Variants in LRFN2 observed in about 807,000 individuals in gnomAD.
The protein encoded by LRFN2 is leucine rich repeat and fibronectin type III domain containing 2, also known as leucine-rich repeat and fibronectin type-III domain-containing protein 2.
LRFN2 carries 18 observed loss-of-function variants against 37.3 expected under a neutral mutation model. The ratio of observed to expected loss-of-function variants is 0.48; its 90% CI spans 0.33 to 0.72. LRFN2 has a LOEUF of 0.72. Among genes scored for constraint, LRFN2 ranks in the 30% least tolerant of loss-of-function variants. The probability of loss-of-function intolerance (pLI) is 0.02; values close to 1 mark genes in which losing one functional copy is unlikely to be tolerated. For missense variants in LRFN2, 1,006 were observed against 1,060.7 expected, an observed-to-expected ratio of 0.95 and a Z score of 0.72; for synonymous variants, 556 against 466.6, an observed-to-expected ratio of 1.19 and a Z score of -2.47.
At chr6:40,577,204 C>T (rs552023030) in intron 1 of LRFN2, among the ~76,000 whole-genome samples, 5 of 151,984 alleles carry the variant, frequency 3.3e-5, no homozygotes, top group East Asian at 3.9e-4. Context: ...TGGGTTCAAG[C>T]GATTCTCCTG....
chr6:40,514,902 C>G lies in LRFN2; in HGVS notation c.-19+72039G>C, dbSNP rs561522985. ...TCTCTTTTTCCTTATGCAGCACCCC[C>G]TCTTATGCTGCCCCTGGCTGGAGGC... On this transcript the variant is annotated intron_variant, in intron 1 of 2. Coordinates refer to ENST00000338305, the MANE Select transcript of LRFN2 (RefSeq NM_020737.3). Among the ~76,000 whole-genome samples, 33 of 152,294 alleles carry G rather than the reference C, an allele frequency of 2.2e-4. 1 individual carries two copies. The East Asian group carries it at 5.0e-3, about 23-fold the overall frequency.
chr6:40,521,974 A>G (rs1233525655), intron 1 of LRFN2, among the ~76,000 whole-genome samples: 3 of 152,112 alleles, frequency 2.0e-5, no homozygotes, highest in Admixed American at 6.5e-5. Context: ...CTGGCTGAAG[A>G]GTTTCTCAAG....
intron 1 of LRFN2, among the ~76,000 whole-genome samples, chr6:40,570,530 C>T (rs1297814054): frequency 2.0e-5 from 3 of 152,156 alleles, no homozygotes; most frequent in Non-Finnish European, 4.4e-5. Context: ...CCTGGGCCGC[C>T]CTGTCCCTTC....
intron 1 of LRFN2, among the ~76,000 whole-genome samples, chr6:40,547,397 G>A (rs759343817): frequency 5.3e-5 from 8 of 152,124 alleles, no homozygotes; most frequent in African/African-American, 9.7e-5. Context: ...GAGCCATCGC[G>A]CCTGGCCACA....
At chr6:40,521,235 C>G (rs1177099654) in intron 1 of LRFN2, among the ~76,000 whole-genome samples, 2 of 151,998 alleles carry the variant, frequency 1.3e-5, no homozygotes, top group African/African-American at 4.8e-5. Flanking sequence ...TCACATGGAA[C>G]CTGCCAGCAG....
intron 1 of LRFN2, among the ~76,000 whole-genome samples, chr6:40,461,428 TA>T (rs201430521): frequency 2.4e-4 from 37 of 151,058 alleles, no homozygotes; most frequent in Non-Finnish European, 3.2e-4. Flanking sequence ...AAATAAAAAC[TA>T]AAAAAAAGAA....
intron 1 of LRFN2, among the ~76,000 whole-genome samples, chr6:40,536,972 C>A (rs1766460415): frequency 6.6e-6 from 1 of 152,182 alleles, no homozygotes; most frequent in Non-Finnish European, 1.5e-5. Context: ...CACCACAACA[C>A]AATGAGATAG....
At chr6:40,473,253 C>T (rs1211671479) in intron 1 of LRFN2, among the ~76,000 whole-genome samples, 2 of 152,202 alleles carry the variant, frequency 1.3e-5, no homozygotes, top group Non-Finnish European at 1.5e-5. Context: ...TGAAGCGTCT[C>T]AGGTAGCATC....
intron 1 of LRFN2, among the ~76,000 whole-genome samples, chr6:40,475,275 C>T (rs916052965): frequency 3.9e-5 from 6 of 152,084 alleles, no homozygotes; most frequent in Non-Finnish European, 7.3e-5. Flanking sequence ...TTGAGAGCAT[C>T]GCAGGGAAGA....
chr6:40,399,792 G>C (rs1415320892), intron 2 of LRFN2, among the ~76,000 whole-genome samples: 1 of 151,830 alleles, frequency 6.6e-6, no homozygotes, highest in Non-Finnish European at 1.5e-5. Context: ...ACTGAATCCT[G>C]AATGACACAA....
chr6:40,530,043 ACACT>A (rs750791016), intron 1 of LRFN2, among the ~76,000 whole-genome samples: 60 of 152,336 alleles, frequency 3.9e-4, no homozygotes, highest in Non-Finnish European at 1.9e-4. Flanking sequence ...GTGTTAGGTA[ACACT>A]CACACTTTAA....
At chr6:40,440,510 AT>A (rs1167110614) in intron 1 of LRFN2, among the ~76,000 whole-genome samples, 1 of 152,162 alleles carries the variant, frequency 6.6e-6, no homozygotes, top group Non-Finnish European at 1.5e-5. Context: ...GAATGAATGA[AT>A]GAATGGATGC....
At chr6:40,468,660 T>C (rs892485442) in intron 1 of LRFN2, among the ~76,000 whole-genome samples, 3 of 151,628 alleles carry the variant, frequency 2.0e-5, no homozygotes, top group Non-Finnish European at 4.4e-5. Flanking sequence ...GAAAACAATA[T>C]GAATGGGCAG....
intron 1 of LRFN2, among the ~76,000 whole-genome samples, chr6:40,465,867 G>A (rs1022279054): frequency 5.3e-5 from 8 of 152,170 alleles, no homozygotes; most frequent in Admixed American, 1.3e-4. Context: ...TGCCACTGCT[G>A]CCCTCAGGTA....
At chr6:40,548,777 A>G (rs974931604) in intron 1 of LRFN2, among the ~76,000 whole-genome samples, 10 of 152,204 alleles carry the variant, frequency 6.6e-5, no homozygotes, top group South Asian at 2.1e-4. Flanking sequence ...GCTCTGCCCT[A>G]TGAACATGCA....
intron 1 of LRFN2, among the ~76,000 whole-genome samples, chr6:40,556,278 C>G (rs1422681215): frequency 6.6e-6 from 1 of 152,228 alleles, no homozygotes; most frequent in Non-Finnish European, 1.5e-5. Context: ...CAGCAGGGAC[C>G]CAGCCCCGAC....
At chr6:40,554,476 C>T (rs890669724) in intron 1 of LRFN2, among the ~76,000 whole-genome samples, 7 of 152,098 alleles carry the variant, frequency 4.6e-5, no homozygotes, top group African/African-American at 1.2e-4. Context: ...GGCAGAGAGA[C>T]AAAATGACAG....
At chr6:40,492,311 G>A (rs1001357679) in intron 1 of LRFN2, among the ~76,000 whole-genome samples, 4 of 152,136 alleles carry the variant, frequency 2.6e-5, no homozygotes, top group Non-Finnish European at 4.4e-5. Context: ...TGCCTGTCCT[G>A]GAACCTGCTC....
In LRFN2 at chr6:40,487,896, C is replaced by A. The variant is rs1335122707; in HGVS notation, c.-18-54765G>T. On this transcript the variant is annotated intron_variant, in intron 1 of 2. Transcript: ENST00000338305. ...AGTCAGAATCACCCAACCCTCCTAA[C>A]CCCCTTTCCCAATCTCAGCCTTGAG... 2.1e-5 allele frequency among the ~76,000 whole-genome samples: 3 copies of A among 142,594 alleles called. No homozygotes were observed. The East Asian group carries it at 6.2e-4, about 30-fold the overall frequency. The allele number at this position is 142,594 out of a possible 152,430, so 93.5% of individuals were successfully genotyped here. A position where few individuals can be genotyped will look rare whatever the true frequency, so the allele number is the denominator to read the frequency against.
Sources: allele counts gnomAD v4.1 joint callset (sites outside exome capture counted in the v4.1 genomes callset), GRCh38; gene constraint gnomAD v4.1.1; transcripts MANE v1.5; gene names NCBI Gene and HGNC (gene_info 2026-07-23, HGNC 2026-07-21).